The following GRAMD1B variants were observed in gnomAD, a reference collection of about 807,000 sequenced individuals.
GRAMD1B encodes protein Aster-B.
In GRAMD1B, 37 loss-of-function variants were observed where a neutral mutation model predicts 99.7. The ratio of observed to expected loss-of-function variants is 0.37; its 90% CI spans 0.29 to 0.49. The LOEUF is 0.49. GRAMD1B is among the 20% of genes least tolerant of loss of function. The pLI, the probability that GRAMD1B is intolerant of heterozygous loss-of-function variation, is 0.98. For missense variants in GRAMD1B, 888 were observed against 1,009.2 expected (o/e 0.88, Z 1.63); for synonymous variants, 427 against 387.6 (o/e 1.10, Z -1.19).
At chr11:123,542,085 T>C (rs1944593132) in intron 2 of GRAMD1B, among the ~76,000 whole-genome samples, 1 of 152,244 alleles carries the variant, frequency 6.6e-6, no homozygotes. Flanking sequence ...CACTTTATTT[T>C]ATGCCAGCTA....
rs1359641978 is a variant in GRAMD1B at position 123,625,510 on chromosome 11, C to G, written c.*2915C>G. On this transcript the variant is annotated 3_prime_UTR_variant, in exon 20 of 20. Transcript: ENST00000635736. Reference sequence around the variant, plus strand: ...GCGACTCTCTCCCTTCCTCATCCACCTCTTTGGGGACAAGAGGATTACATC... The same window carrying G: ...GCGACTCTCTCCCTTCCTCATCCACGTCTTTGGGGACAAGAGGATTACATC... 9 of 152,254 alleles carry G rather than the reference C, an allele frequency of 5.9e-5. No individual in the cohort carries two copies. Among genetic ancestry groups the G allele is most frequent in the Non-Finnish European group, 8.8e-5 (6 of 68,070 alleles). 9.4% of individuals were successfully genotyped at this position (152,254 alleles called of 1,614,324 possible).
At position 123,520,435 on chromosome 11, in the gene GRAMD1B, T is replaced by C. The variant is rs1942082982; in HGVS notation, c.452+39542T>C. Among the ~76,000 whole-genome samples, 3 of 152,238 alleles carry C rather than the reference T, an allele frequency of 2.0e-5. No individual in the cohort carries two copies. The South Asian group carries it at 6.2e-4, about 32-fold the overall frequency. ...GTATTCAGTTGTTTTCTAAATACTC[T>C]GTGTATTTTAAAATTGTTTGCATTG... On this transcript the variant is annotated intron_variant, in intron 2 of 19. Coordinates refer to ENST00000635736, the MANE Select transcript of GRAMD1B (RefSeq NM_001387025.1).
chr11:123,562,195 A>AT (rs1458133683), intron 2 of GRAMD1B, among the ~76,000 whole-genome samples: 1 of 152,082 alleles, frequency 6.6e-6, no homozygotes, highest in Admixed American at 6.6e-5. Context: ...TTTAATAATA[A>AT]TTTTTTTAAA....
intron 1 of GRAMD1B, among the ~76,000 whole-genome samples, chr11:123,422,245 C>G (rs751959311): frequency 6.6e-6 from 1 of 152,162 alleles, no homozygotes; most frequent in Non-Finnish European, 1.5e-5. Flanking sequence ...ACGGACTATT[C>G]CTGAAAAGTG....
intron 1 of GRAMD1B, among the ~76,000 whole-genome samples, chr11:123,437,253 T>G (rs1949204389): frequency 6.6e-6 from 1 of 152,204 alleles, no homozygotes. Flanking sequence ...TACTCACATG[T>G]CTTTCTAACT....
chr11:123,609,928 G>A lies in GRAMD1B; in HGVS notation c.1776+15G>A, dbSNP rs377588789. 1.2e-4 allele frequency: 164 copies of A among 1,372,886 alleles called. No individual in the cohort carries two copies. Among genetic ancestry groups the A allele is most frequent in the Middle Eastern group, 1.8e-4 (1 of 5,656 alleles). 85.0% of individuals were successfully genotyped at this position (1,372,886 alleles called of 1,614,324 possible). A position where few individuals can be genotyped will look rare whatever the true frequency, so the allele number is the denominator to read the frequency against. The stretch of plus-strand genomic sequence containing the variant: ...GGGAGACACAGGTGAGCAGAGCCGC[G>A]GATGCACAGAAGAGCGAGCTGGAAA... On this transcript the variant is annotated intron_variant, in intron 13 of 19. Coordinates refer to ENST00000635736, the MANE Select transcript of GRAMD1B (RefSeq NM_001387025.1).
chr11:123,365,472 G>A (rs891022376), intron 1 of GRAMD1B, among the ~76,000 whole-genome samples: 1 of 152,068 alleles, frequency 6.6e-6, no homozygotes, highest in South Asian at 2.1e-4. Flanking sequence ...GGCTGGTCTC[G>A]AACTCCTGAC....
At chr11:123,476,080 G>C (rs565587770) in intron 1 of GRAMD1B, among the ~76,000 whole-genome samples, 1 of 151,646 alleles carries the variant, frequency 6.6e-6, no homozygotes, top group South Asian at 2.1e-4. Context: ...GTGGAGGAGT[G>C]GTTGGCAGCA....
intron 2 of GRAMD1B, among the ~76,000 whole-genome samples, chr11:123,562,165 A>T (rs1431046442): frequency 6.6e-6 from 1 of 151,634 alleles, no homozygotes; most frequent in Non-Finnish European, 1.5e-5. Context: ...CCTGGGCAAC[A>T]TCGCGAGACC....
chr11:123,444,131 A>C (rs1023465264), intron 1 of GRAMD1B, among the ~76,000 whole-genome samples: 1 of 152,082 alleles, frequency 6.6e-6, no homozygotes, highest in African/African-American at 2.4e-5. Context: ...GGAAGGGGAA[A>C]AGTCTAGTTA....
chr11:123,373,150 T>C (rs1246823366), intron 1 of GRAMD1B, among the ~76,000 whole-genome samples: 1 of 151,984 alleles, frequency 6.6e-6, no homozygotes, highest in Non-Finnish European at 1.5e-5. Context: ...AAAAAATATA[T>C]AAATAAATAA....
intron 1 of GRAMD1B, among the ~76,000 whole-genome samples, chr11:123,375,547 T>C (rs145663670): frequency 7.2e-5 from 11 of 152,320 alleles, no homozygotes; most frequent in Admixed American, 6.5e-4. Flanking sequence ...GCTTTAAGTG[T>C]TATTGGCCAA....
chr11:123,582,868 G>A (rs537997699), intron 3 of GRAMD1B, among the ~76,000 whole-genome samples: 1 of 152,336 alleles, frequency 6.6e-6, no homozygotes, highest in African/African-American at 2.4e-5. Context: ...AACACCAGGT[G>A]GAGGGGATCC....
chr11:123,560,072 C>CCG (rs1555072927), intron 2 of GRAMD1B, among the ~76,000 whole-genome samples: 2 of 150,566 alleles, frequency 1.3e-5, no homozygotes, highest in Non-Finnish European at 2.9e-5. Flanking sequence ...ATAACCCCCC[C>CCG]CCCCGCAGCC....
At chr11:123,556,395 C>T (rs1946188580) in intron 2 of GRAMD1B, among the ~76,000 whole-genome samples, 1 of 152,174 alleles carries the variant, frequency 6.6e-6, no homozygotes, top group South Asian at 2.1e-4. Context: ...CAAAGATTAT[C>T]AAACACAGGA....
At position 123,450,985 on chromosome 11, in the gene GRAMD1B, T is replaced by C. The variant is rs1949862654; in HGVS notation, c.374+19819T>C. Among the ~76,000 whole-genome samples, 2 of 151,612 alleles carry C rather than the reference T, an allele frequency of 1.3e-5. 1 individual carries two copies. Among genetic ancestry groups the C allele is most frequent in the South Asian group, 4.2e-4 (2 of 4,792 alleles). ...TGCCATTTATTAAGCTACCACAGAG[T>C]GCGGTACCTTAAACTGGGCTCCAAG... On this transcript the variant is annotated intron_variant, in intron 1 of 19. Coordinates refer to ENST00000635736, the MANE Select transcript of GRAMD1B (RefSeq NM_001387025.1).
At chr11:123,570,346 C>T (rs1331449790) in intron 2 of GRAMD1B, among the ~76,000 whole-genome samples, 1 of 152,012 alleles carries the variant, frequency 6.6e-6, no homozygotes, top group African/African-American at 2.4e-5. Context: ...GCATCAACAC[C>T]TCTGAGGAAA....
chr11:123,392,253 GC>G (rs1387723318), intron 1 of GRAMD1B, among the ~76,000 whole-genome samples: 1 of 151,916 alleles, frequency 6.6e-6, no homozygotes, highest in African/African-American at 2.4e-5. Flanking sequence ...GTATGTCTTT[GC>G]CCTCTGAATG....
At position 123,625,116 on chromosome 11, in the gene GRAMD1B, C is replaced by T. The variant is rs1955426480; in HGVS notation, c.*2521C>T. ...CATTCCCAAACAAAATCTCTTCCCC[C>T]TTAGTCAATAGCTTGCGAAAGACAT... On this transcript the variant is annotated 3_prime_UTR_variant, in exon 20 of 20. Transcript: ENST00000635736. The T allele has an allele frequency of 6.6e-6, 1 of 152,222 alleles. No individual in the cohort carries two copies. The allele number at this position is 152,222 out of a possible 1,614,324, so 9.4% of individuals were successfully genotyped here.
Sources: allele counts gnomAD v4.1 joint callset (sites outside exome capture counted in the v4.1 genomes callset), GRCh38; gene constraint gnomAD v4.1.1; transcripts MANE v1.5; gene names NCBI Gene and HGNC (gene_info 2026-07-23, HGNC 2026-07-21).